Variants in CLVS1 observed in about 807,000 individuals in gnomAD.
CLVS1 encodes clavesin-1.
In CLVS1, 10 loss-of-function variants were observed where a neutral mutation model predicts 33.1. The ratio of observed to expected loss-of-function variants is 0.30; its 90% CI spans 0.19 to 0.51. The LOEUF (loss-of-function observed/expected upper bound fraction) is 0.51, where lower values mean the gene tolerates loss of function less well. CLVS1 is among the 20% of genes least tolerant of loss of function. The pLI is 0.97. For synonymous variants in CLVS1, 163 were observed against 166.1 expected, an observed-to-expected ratio of 0.98 and a Z score of 0.14; for missense variants, 343 against 433.4, an observed-to-expected ratio of 0.79 and a Z score of 1.85.
intron 2 of CLVS1, among the ~76,000 whole-genome samples, chr8:61,165,821 A>G (rs966060507): frequency 6.6e-6 from 1 of 152,212 alleles, no homozygotes; most frequent in Non-Finnish European, 1.5e-5. Context: ...ATCTCTTCAA[A>G]TAACTTACAG....
chr8:61,069,132 A>G (rs997790114), intron 1 of CLVS1, among the ~76,000 whole-genome samples: 1 of 152,120 alleles, frequency 6.6e-6, no homozygotes, highest in Non-Finnish European at 1.5e-5. Flanking sequence ...ATGCTTGGCT[A>G]ATTTTGTAAT....
intron 2 of CLVS1, among the ~76,000 whole-genome samples, chr8:61,151,424 G>T (rs1309373830): frequency 6.6e-6 from 1 of 152,078 alleles, no homozygotes; most frequent in African/African-American, 2.4e-5. Context: ...AGAACACTAG[G>T]GCTTAGTGGG....
intron 2 of CLVS1, among the ~76,000 whole-genome samples, chr8:61,277,471 A>G (rs1010523276): frequency 6.6e-6 from 1 of 152,210 alleles, no homozygotes; most frequent in Non-Finnish European, 1.5e-5. Context: ...CCAGTAATGC[A>G]GGACAAAGAC....
chr8:61,457,465 CT>C (rs1817209204), intron 4 of CLVS1, among the ~76,000 whole-genome samples: 1 of 152,096 alleles, frequency 6.6e-6, no homozygotes, highest in African/African-American at 2.4e-5. Flanking sequence ...GTCTCATCCA[CT>C]TTGTAGATTT....
At chr8:61,047,735 T>G in the CLVS1 span, among the ~76,000 whole-genome samples, 2 of 152,190 alleles carry the variant, frequency 1.3e-5, no homozygotes, top group East Asian at 3.9e-4. Context: ...AGGTGGGAAT[T>G]GAACAATGAG....
At chr8:61,138,374 G>A (rs983893895) in intron 2 of CLVS1, among the ~76,000 whole-genome samples, 1 of 152,222 alleles carries the variant, frequency 6.6e-6, no homozygotes, top group Non-Finnish European at 1.5e-5. Flanking sequence ...GCTGTGGCCT[G>A]CTAATTTTAT....
chr8:61,055,930 C>G (rs576649840), upstream of CLVS1, among the ~76,000 whole-genome samples: 101 of 152,376 alleles, frequency 6.6e-4, no homozygotes, highest in African/African-American at 2.1e-3. Context: ...GGCTCCACCA[C>G]GCTTAACATG....
the CLVS1 span, among the ~76,000 whole-genome samples, chr8:61,006,111 C>T: frequency 6.6e-6 from 1 of 152,192 alleles, no homozygotes; most frequent in Non-Finnish European, 1.5e-5. Flanking sequence ...CGCCTCTTCT[C>T]TCCAGGACTA....
At chr8:61,470,879 C>T (rs762665958) in intron 5 of CLVS1, among the ~76,000 whole-genome samples, 2 of 152,140 alleles carry the variant, frequency 1.3e-5, no homozygotes, top group African/African-American at 2.4e-5. Flanking sequence ...ATGAGCATTG[C>T]GGAGCTTCGA....
chr8:61,228,603 A>G (rs1465452541), intron 2 of CLVS1, among the ~76,000 whole-genome samples: 2 of 152,146 alleles, frequency 1.3e-5, no homozygotes, highest in Non-Finnish European at 1.5e-5. Flanking sequence ...TGTTTTTATG[A>G]GTTCTACTTT....
At chr8:61,366,531 A>C (rs1363438862) in intron 2 of CLVS1, among the ~76,000 whole-genome samples, 1 of 152,250 alleles carries the variant, frequency 6.6e-6, no homozygotes, top group African/African-American at 2.4e-5. Context: ...AAGGACACAC[A>C]TCAGACGTCA....
Position 61,385,785 on chromosome 8 carries a change from C to T in CLVS1, c.630+9006C>T, listed in dbSNP as rs987361400. Among the ~76,000 whole-genome samples, 22 of 152,210 alleles carry T rather than the reference C, an allele frequency of 1.4e-4. No individual in the cohort carries two copies. The Middle Eastern group carries it at 0.014, about 94-fold the overall frequency. ...TATACGTGACCTCTAGTGTCTGCGT[C>T]GTCTGTGTTCTTGGCAGGAGTGAGG... On this transcript the variant is annotated intron_variant, in intron 3 of 5. Transcript: ENST00000325897.
chr8:61,312,029 G>T (rs979377506), intron 2 of CLVS1, among the ~76,000 whole-genome samples: 1 of 152,232 alleles, frequency 6.6e-6, no homozygotes, highest in Non-Finnish European at 1.5e-5. Context: ...CTGAATGAAT[G>T]CATTGCAAGT....
At chr8:61,272,046 CT>C (rs1268465044) in intron 2 of CLVS1, among the ~76,000 whole-genome samples, 3 of 150,642 alleles carry the variant, frequency 2.0e-5, no homozygotes, top group African/African-American at 7.3e-5. Flanking sequence ...ATGATGTTAG[CT>C]GGTTATTTTG....
chr8:61,279,085 C>T (rs1691684596), intron 2 of CLVS1, among the ~76,000 whole-genome samples: 1 of 152,200 alleles, frequency 6.6e-6, no homozygotes, highest in Admixed American at 6.5e-5. Context: ...GGGGCCTCGC[C>T]TTTGGACTGA....
rs559233022 is a variant in CLVS1 at position 61,167,705 on chromosome 8, AGC to A, written c.-152+35846_-152+35847del. The stretch of plus-strand genomic sequence containing the variant: ...AAGTCACAGGATGAGATAGGAGGTC[AGC>A]AAAAAGTCGCAGGTTATAAAGACCT... On this transcript the variant is annotated intron_variant, in intron 2 of 2. Coordinates refer to the CLVS1 transcript ENST00000522621. 5.4e-3 allele frequency among the ~76,000 whole-genome samples: 818 copies of A among 152,322 alleles called. 8 individuals are homozygous for A. Among genetic ancestry groups the A allele is most frequent in the African/African-American group, 0.018 (769 of 41,582 alleles).
At chr8:61,229,671 G>A (rs1314178485) in intron 2 of CLVS1, among the ~76,000 whole-genome samples, 3 of 152,202 alleles carry the variant, frequency 2.0e-5, no homozygotes, top group East Asian at 1.9e-4. Flanking sequence ...TCGCTCTGTC[G>A]CCCAGGCTGG....
At chr8:61,048,320 C>G in the CLVS1 span, among the ~76,000 whole-genome samples, 1 of 152,182 alleles carries the variant, frequency 6.6e-6, no homozygotes, top group Non-Finnish European at 1.5e-5. Context: ...CAGCAAGGAG[C>G]TGAAGTTCAT....
At chr8:61,362,273 A>G (rs1813016674) in intron 2 of CLVS1, among the ~76,000 whole-genome samples, 1 of 152,194 alleles carries the variant, frequency 6.6e-6, no homozygotes, top group Non-Finnish European at 1.5e-5. Flanking sequence ...CCCAAAGTGG[A>G]GAAGGGAAAG....
Sources: gnomAD v4.1 joint callset for allele counts (sites outside exome capture counted in the v4.1 genomes callset) on GRCh38, gnomAD v4.1.1 for gene constraint, MANE v1.5 for transcripts, NCBI Gene and HGNC (gene_info 2026-07-23, HGNC 2026-07-21) for gene names.